Variants in ANKS1B observed in about 807,000 individuals in gnomAD.
The protein encoded by ANKS1B is ankyrin repeat and sterile alpha motif domain containing 1B, also known as ankyrin repeat and sterile alpha motif domain-containing protein 1B.
In ANKS1B, 36 loss-of-function variants were observed where a neutral mutation model predicts 148.3. The ratio of observed to expected loss-of-function variants is 0.24; its 90% CI spans 0.19 to 0.32. The LOEUF (loss-of-function observed/expected upper bound fraction) is 0.32, where lower values mean the gene tolerates loss of function less well. Ranked by LOEUF, ANKS1B falls within the 10% of genes least tolerant of loss-of-function variation. The probability of loss-of-function intolerance (pLI) is 1.00; values close to 1 mark genes in which losing one functional copy is unlikely to be tolerated. For synonymous variants in ANKS1B, 542 were observed against 560.8 expected, an observed-to-expected ratio of 0.97 and a Z score of 0.47; for missense variants, 1,157 against 1,542.6, an observed-to-expected ratio of 0.75 and a Z score of 4.19.
chr12:99,172,401 T>C (rs1442852513), intron 14 of ANKS1B, among the ~76,000 whole-genome samples: 2 of 152,156 alleles, frequency 1.3e-5, no homozygotes, highest in Non-Finnish European at 2.9e-5. Flanking sequence ...TGGAAAGGTA[T>C]AGAAAACCTG....
chr12:99,148,626 G>A (rs11109742), intron 15 of ANKS1B, among the ~76,000 whole-genome samples: 1 of 152,022 alleles, frequency 6.6e-6, no homozygotes, highest in African/African-American at 2.4e-5. Flanking sequence ...ATTTCTTCTA[G>A]ACTACTCATT....
chr12:99,750,804 G>C (rs375885640), intron 8 of ANKS1B, among the ~76,000 whole-genome samples: 2 of 152,032 alleles, frequency 1.3e-5, no homozygotes, highest in East Asian at 3.9e-4. Flanking sequence ...GGAGAAATCT[G>C]AACTCCCCCT....
chr12:99,867,122 T>C (rs541770505), intron 1 of ANKS1B, among the ~76,000 whole-genome samples: 1 of 152,316 alleles, frequency 6.6e-6, no homozygotes, highest in South Asian at 2.1e-4. Flanking sequence ...ACCTGGCCAC[T>C]GTAAAGATTA....
intron 17 of ANKS1B, among the ~76,000 whole-genome samples, chr12:98,835,945 A>T (rs567983119): frequency 6.6e-6 from 1 of 152,382 alleles, no homozygotes; most frequent in East Asian, 1.9e-4. Context: ...GGTTATACAC[A>T]AATATAAATA....
Position 99,291,235 on chromosome 12 carries a change from G to A in ANKS1B, c.1757-44371C>T, listed in dbSNP as rs752802567. Among the ~76,000 whole-genome samples the A allele has an allele frequency of 3.9e-5, 6 of 152,148 alleles. 1 individual carries two copies. Among genetic ancestry groups the A allele is most frequent in the South Asian group, 2.1e-4 (1 of 4,822 alleles). ...ACACTGATGCAAGAACTTGATTGAA[G>A]AGGACACACAAAAAAATGGAAATAT... On this transcript the variant is annotated intron_variant, in intron 12 of 26. Coordinates refer to ENST00000683438, the MANE Select transcript of ANKS1B (RefSeq NM_001352186.2).
chr12:99,639,115 T>C (rs962717290), intron 9 of ANKS1B, among the ~76,000 whole-genome samples: 2 of 152,208 alleles, frequency 1.3e-5, no homozygotes, highest in African/African-American at 4.8e-5. Context: ...AAGGGAAATG[T>C]GGGGTTGGAG....
intron 11 of ANKS1B, among the ~76,000 whole-genome samples, chr12:99,433,653 C>T (rs2095414406): frequency 6.6e-6 from 1 of 152,134 alleles, no homozygotes; most frequent in Non-Finnish European, 1.5e-5. Flanking sequence ...AAGTTTAAGA[C>T]ATCCCATTGA....
chr12:99,949,097 C>G (rs1428188761), intron 1 of ANKS1B, among the ~76,000 whole-genome samples: 1 of 152,132 alleles, frequency 6.6e-6, no homozygotes, highest in Non-Finnish European at 1.5e-5. Context: ...TGAGAAAAAG[C>G]CTCAGGCAGA....
chr12:99,265,160 G>C (rs1448718860), intron 12 of ANKS1B, among the ~76,000 whole-genome samples: 1 of 152,130 alleles, frequency 6.6e-6, no homozygotes, highest in Non-Finnish European at 1.5e-5. Context: ...GTAAAGGACA[G>C]TACAGGTCTA....
intron 8 of ANKS1B, among the ~76,000 whole-genome samples, chr12:99,759,052 T>C (rs575441360): frequency 1.3e-5 from 2 of 152,078 alleles, no homozygotes; most frequent in African/African-American, 4.8e-5. Flanking sequence ...TCATTTTCTT[T>C]GTTCATTTTA....
chr12:98,810,761 T>C (rs2099088735), intron 19 of ANKS1B, among the ~76,000 whole-genome samples: 1 of 152,218 alleles, frequency 6.6e-6, no homozygotes. Flanking sequence ...ATTTAACCTT[T>C]TGGGCAGACT....
intron 12 of ANKS1B, 73 bp from the exon 13 acceptor site, chr12:99,246,937 T>A: frequency 8.6e-7 from 1 of 1,156,778 alleles, no homozygotes; most frequent in South Asian, 1.5e-5. Flanking sequence ...AGTGCCCTTA[T>A]GAACATGTGG....
intron 12 of ANKS1B, among the ~76,000 whole-genome samples, chr12:99,302,427 C>T (rs935195665): frequency 1.3e-5 from 2 of 152,022 alleles, no homozygotes; most frequent in Non-Finnish European, 2.9e-5. Flanking sequence ...TATTTAGCTA[C>T]TAATGTCAAG....
intron 9 of ANKS1B, among the ~76,000 whole-genome samples, chr12:99,635,679 TA>T (rs2098227328): frequency 6.6e-6 from 1 of 152,134 alleles, no homozygotes; most frequent in Admixed American, 6.5e-5. Context: ...GGAGACTGAT[TA>T]GACAATAACA....
chr12:98,993,295 G>T (rs746724534), intron 17 of ANKS1B, among the ~76,000 whole-genome samples: 11 of 152,138 alleles, frequency 7.2e-5, no homozygotes, highest in Non-Finnish European at 1.5e-4. Context: ...AGCCTCCTGA[G>T]TAGCTGGTAT....
chr12:99,255,508 C>A (rs1275535768), intron 12 of ANKS1B, among the ~76,000 whole-genome samples: 3 of 151,730 alleles, frequency 2.0e-5, no homozygotes. Flanking sequence ...CTTTCTATGC[C>A]TTTTCTGGAT....
At chr12:99,546,680 C>T (rs892230633) in intron 9 of ANKS1B, among the ~76,000 whole-genome samples, 2 of 152,042 alleles carry the variant, frequency 1.3e-5, no homozygotes, top group Non-Finnish European at 2.9e-5. Context: ...GAAAACTGAA[C>T]GTTAAGGGTT....
At chr12:98,879,892 A>G (rs1203779468) in intron 17 of ANKS1B, among the ~76,000 whole-genome samples, 1 of 152,202 alleles carries the variant, frequency 6.6e-6, no homozygotes, top group African/African-American at 2.4e-5. Context: ...TTGCTTTTGA[A>G]ATGATTAAAT....
At chr12:99,036,590 A>G (rs2099955710) in intron 17 of ANKS1B, among the ~76,000 whole-genome samples, 1 of 152,226 alleles carries the variant, frequency 6.6e-6, no homozygotes, top group Non-Finnish European at 1.5e-5. Flanking sequence ...TGTGTTCAAA[A>G]TGATTACATT....
Sources: gnomAD v4.1 joint callset for allele counts (sites outside exome capture counted in the v4.1 genomes callset) on GRCh38, gnomAD v4.1.1 for gene constraint, MANE v1.5 for transcripts, NCBI Gene and HGNC (gene_info 2026-07-23, HGNC 2026-07-21) for gene names.